The following ETV6 variants were observed in gnomAD, a reference collection of about 807,000 sequenced individuals.
ETV6 encodes transcription factor ETV6.
A neutral mutation model predicts 51.1 loss-of-function variants in ETV6; 16 were observed. That is an observed-to-expected ratio of 0.31 (90% CI 0.21 to 0.48). The LOEUF (loss-of-function observed/expected upper bound fraction) is 0.48, where lower values mean the gene tolerates loss of function less well. ETV6 is among the 20% of genes least tolerant of loss of function. The pLI, the probability that ETV6 is intolerant of heterozygous loss-of-function variation, is 0.99. For missense variants in ETV6, 458 were observed against 594.8 expected, an observed-to-expected ratio of 0.77 and a Z score of 2.39; for synonymous variants, 240 against 224.1, an observed-to-expected ratio of 1.07 and a Z score of -0.64.
chr12:11,877,019 A>T (rs1384883453), intron 5 of ETV6, among the ~76,000 whole-genome samples: 1 of 152,254 alleles, frequency 6.6e-6, no homozygotes, highest in Non-Finnish European at 1.5e-5. Flanking sequence ...CGAGACATCA[A>T]GTCTCTTGCA....
intron 2 of ETV6, among the ~76,000 whole-genome samples, chr12:11,794,274 G>A (rs999810942): frequency 2.6e-5 from 4 of 152,188 alleles, no homozygotes; most frequent in Admixed American, 2.6e-4. Flanking sequence ...CATTGGCTAA[G>A]CTCAAAGACA....
Position 11,708,981 on chromosome 12 carries a change from T to C in ETV6, c.34-43469T>C, listed in dbSNP as rs74060805. ...TATCAGCTCATGAATGGAGAGACAG[T>C]TGATCAGAGAAAGAGAAATGTCTGT... On this transcript the variant is annotated intron_variant, in intron 1 of 7. Transcript: ENST00000396373. Among the ~76,000 whole-genome samples, 192 of 152,286 alleles carry C rather than the reference T, an allele frequency of 1.3e-3. 1 individual carries two copies. The highest frequency in any genetic ancestry group is 4.4e-3 in the African/African-American group (183 of 41,540).
intron 2 of ETV6, among the ~76,000 whole-genome samples, chr12:11,820,618 T>A (rs1019478298): frequency 6.6e-6 from 1 of 152,010 alleles, no homozygotes; most frequent in South Asian, 2.1e-4. Context: ...GAATAGTTCC[T>A]GGTAGGTCTG....
intron 1 of ETV6, among the ~76,000 whole-genome samples, chr12:11,664,833 T>G (rs572890964): frequency 6.8e-4 from 104 of 152,278 alleles, no homozygotes; most frequent in African/African-American, 2.4e-3. Flanking sequence ...TCTTCCTTCC[T>G]CCATTTTGTC....
intron 2 of ETV6, among the ~76,000 whole-genome samples, chr12:11,838,898 A>G (rs2136463469): frequency 6.6e-6 from 1 of 152,356 alleles, no homozygotes. Flanking sequence ...CACACCCCAG[A>G]GTAGGGTTTG....
chr12:11,878,827 G>GAAAA (rs111309234), intron 5 of ETV6, among the ~76,000 whole-genome samples: 10 of 132,578 alleles, frequency 7.5e-5, no homozygotes, highest in South Asian at 4.8e-4. Context: ...GAGGAGGAGG[G>GAAAA]GAAAAAAAAA....
intron 2 of ETV6, among the ~76,000 whole-genome samples, chr12:11,753,122 C>G (rs1866070208): frequency 6.6e-6 from 1 of 152,026 alleles, no homozygotes. Context: ...CTTTCCTTCA[C>G]CTCCACTCTC....
At chr12:11,715,901 T>C (rs1865266878) in intron 1 of ETV6, among the ~76,000 whole-genome samples, 1 of 152,194 alleles carries the variant, frequency 6.6e-6, no homozygotes, top group African/African-American at 2.4e-5. Context: ...TCAACAAGTA[T>C]TTAGCAATTC....
intron 5 of ETV6, among the ~76,000 whole-genome samples, chr12:11,879,850 T>C (rs2136575577): frequency 6.6e-6 from 1 of 152,232 alleles, no homozygotes; most frequent in South Asian, 2.1e-4. Context: ...GTATTATGCA[T>C]TTACATTGAT....
At chr12:11,651,965 G>C (rs555021018) in intron 1 of ETV6, among the ~76,000 whole-genome samples, 3 of 152,162 alleles carry the variant, frequency 2.0e-5, no homozygotes, top group Non-Finnish European at 4.4e-5. Context: ...GTTTCATTGT[G>C]CTCCAGTCGG....
intron 2 of ETV6, among the ~76,000 whole-genome samples, chr12:11,780,326 C>A (rs181194311): frequency 9.5e-4 from 145 of 152,212 alleles, no homozygotes; most frequent in African/African-American, 3.4e-3. Flanking sequence ...GGTTCAGTAG[C>A]CTGTATCCTT....
intron 5 of ETV6, among the ~76,000 whole-genome samples, chr12:11,871,257 C>CG (rs1946877382): frequency 6.8e-6 from 1 of 146,658 alleles, no homozygotes; most frequent in African/African-American, 2.5e-5. Flanking sequence ...GACGGAATCT[C>CG]GGCTCACTGC....
chr12:11,821,296 G>A (rs1946077434), intron 2 of ETV6, among the ~76,000 whole-genome samples: 2 of 152,194 alleles, frequency 1.3e-5, no homozygotes, highest in Admixed American at 6.5e-5. Flanking sequence ...AACCCGGGAG[G>A]TGGAGCTTAC....
At chr12:11,782,797 C>T (rs1391347031) in intron 2 of ETV6, among the ~76,000 whole-genome samples, 1 of 152,136 alleles carries the variant, frequency 6.6e-6, no homozygotes, top group East Asian at 1.9e-4. Context: ...ATAAGATAAC[C>T]TCAGGTGTGT....
At chr12:11,812,959 C>T (rs759800182) in intron 2 of ETV6, among the ~76,000 whole-genome samples, 30 of 152,140 alleles carry the variant, frequency 2.0e-4, no homozygotes, top group Non-Finnish European at 4.3e-4. Flanking sequence ...CCTGACATTC[C>T]GGAGGCCCCA....
At chr12:11,689,163 G>T (rs1864696390) in intron 1 of ETV6, among the ~76,000 whole-genome samples, 1 of 152,134 alleles carries the variant, frequency 6.6e-6, no homozygotes, top group African/African-American at 2.4e-5. Context: ...TGTTTACTGG[G>T]AGTATGGAAG....
At chr12:11,689,616 T>TA (rs1326526230) in intron 1 of ETV6, among the ~76,000 whole-genome samples, 1 of 150,854 alleles carries the variant, frequency 6.6e-6, no homozygotes, top group Non-Finnish European at 1.5e-5. Context: ...CTAGCTTTTT[T>TA]TAAAAGAAAA....
At chr12:11,821,377 G>T (rs1200020099) in intron 2 of ETV6, among the ~76,000 whole-genome samples, 1 of 151,814 alleles carries the variant, frequency 6.6e-6, no homozygotes, top group Non-Finnish European at 1.5e-5. Context: ...AAAAAATAAA[G>T]AAAGAAAGAA....
intron 1 of ETV6, among the ~76,000 whole-genome samples, chr12:11,667,677 G>A (rs35250129): frequency 0.035 from 5,087 of 146,706 alleles, 102 homozygotes; most frequent in Admixed American, 0.062. Flanking sequence ...CTACAGGTGT[G>A]TGCCACGATA....
Sources: gnomAD v4.1 joint callset for allele counts (sites outside exome capture counted in the v4.1 genomes callset) on GRCh38, gnomAD v4.1.1 for gene constraint, MANE v1.5 for transcripts, NCBI Gene and HGNC (gene_info 2026-07-23, HGNC 2026-07-21) for gene names.